Variants in CCDC85A observed in about 807,000 individuals in gnomAD.
CCDC85A encodes the protein coiled-coil domain-containing protein 85A.
CCDC85A carries 38 observed loss-of-function variants against 50.2 expected under a neutral mutation model. The observed-to-expected ratio is 0.76, with a 90% CI of 0.58 to 0.99. The LOEUF is 0.99. Ranked by LOEUF, CCDC85A falls within the 50% of genes least tolerant of loss-of-function variation. CCDC85A has a pLI of 0.00. For missense variants in CCDC85A, 820 were observed against 742.0 expected, an observed-to-expected ratio of 1.11 and a Z score of -1.22; for synonymous variants, 366 against 301.4, an observed-to-expected ratio of 1.21 and a Z score of -2.22.
chr2:56,209,995 C>A (rs1177413912), intron 2 of CCDC85A, among the ~76,000 whole-genome samples: 1 of 152,022 alleles, frequency 6.6e-6, no homozygotes, highest in Non-Finnish European at 1.5e-5. Context: ...AGAACTAGAG[C>A]ACATCCTGGA....
chr2:56,336,286 C>T (rs1674071132), intron 2 of CCDC85A, among the ~76,000 whole-genome samples: 3 of 152,092 alleles, frequency 2.0e-5, no homozygotes, highest in East Asian at 3.9e-4. Flanking sequence ...TCTCGAGTAG[C>T]GGGAGTACAG....
chr2:56,299,121 G>A (rs905208246), intron 2 of CCDC85A, among the ~76,000 whole-genome samples: 1 of 152,132 alleles, frequency 6.6e-6, no homozygotes, highest in South Asian at 2.1e-4. Flanking sequence ...TGATACCTCC[G>A]CTGTTTCTCC....
At chr2:56,344,501 G>T (rs989408703) in intron 3 of CCDC85A, among the ~76,000 whole-genome samples, 1 of 152,184 alleles carries the variant, frequency 6.6e-6, no homozygotes, top group Admixed American at 6.5e-5. Flanking sequence ...TTGACTACAA[G>T]TAACAGAAAC....
At chr2:56,347,169 A>C (rs188758832) in intron 3 of CCDC85A, among the ~76,000 whole-genome samples, 5 of 152,326 alleles carry the variant, frequency 3.3e-5, no homozygotes, top group Admixed American at 1.3e-4. Context: ...AGAATCATCA[A>C]TTTCCAGAGC....
intron 2 of CCDC85A, among the ~76,000 whole-genome samples, chr2:56,306,478 T>G (rs772440469): frequency 1.3e-5 from 2 of 152,136 alleles, no homozygotes; most frequent in Non-Finnish European, 2.9e-5. Flanking sequence ...AAATGCTTGA[T>G]AGAAATATTC....
chr2:56,320,346 C>T (rs946671892), intron 2 of CCDC85A, among the ~76,000 whole-genome samples: 1 of 151,982 alleles, frequency 6.6e-6, no homozygotes, highest in Non-Finnish European at 1.5e-5. Context: ...TCAATGAATC[C>T]AGGAGCTGGT....
intron 2 of CCDC85A, among the ~76,000 whole-genome samples, chr2:56,229,732 A>G (rs1034501695): frequency 2.6e-5 from 4 of 152,154 alleles, no homozygotes; most frequent in African/African-American, 9.7e-5. Context: ...ATATGTCTAG[A>G]TGTTTTTTTC....
At chr2:56,313,851 G>A (rs535008633) in intron 2 of CCDC85A, among the ~76,000 whole-genome samples, 9 of 152,050 alleles carry the variant, frequency 5.9e-5, no homozygotes, top group African/African-American at 1.7e-4. Flanking sequence ...ACTTTGGTTG[G>A]ACTCAGCAGA....
intron 2 of CCDC85A, among the ~76,000 whole-genome samples, chr2:56,340,909 A>C (rs1187895541): frequency 2.0e-5 from 3 of 148,924 alleles, no homozygotes; most frequent in South Asian, 2.1e-4. Context: ...GCTTTAGAGC[A>C]GGAATGAAAG....
At chr2:56,242,384 T>C (rs763851531) in intron 2 of CCDC85A, among the ~76,000 whole-genome samples, 20 of 152,072 alleles carry the variant, frequency 1.3e-4, no homozygotes, top group Non-Finnish European at 2.1e-4. Context: ...CTCAGAGGCC[T>C]CAGGAAGCTT....
chr2:56,184,250 C>G lies in CCDC85A; in HGVS notation c.-375C>G. On this transcript the variant is annotated 5_prime_UTR_variant, in exon 1 of 6. Coordinates refer to ENST00000407595, the MANE Select transcript of CCDC85A (RefSeq NM_001080433.2). ...GCAGGGCAGAGAGTGCGGGGGGCGA[C>G]AGTCTCGGCTTAGGGCGGAGGAGAG... The G allele has an allele frequency of 5.3e-6, 5 of 946,768 alleles. No individual in the cohort carries two copies. Among genetic ancestry groups the G allele is most frequent in the Non-Finnish European group, 6.4e-6 (5 of 784,474 alleles). 58.6% of individuals were successfully genotyped at this position (946,768 alleles called of 1,614,324 possible). A position where few individuals can be genotyped will look rare whatever the true frequency, so the allele number is the denominator to read the frequency against.
At position 56,201,139 on chromosome 2, in the gene CCDC85A, G is replaced by A. The variant is rs1041639096; in HGVS notation, c.1240+7699G>A. ...ACACACACACACGTACATACACACA[G>A]CATTTAGTGTTCTTGTATGTATATT... is the stretch of plus-strand genomic sequence containing the variant. On this transcript the variant is annotated intron_variant, in intron 2 of 5. Coordinates refer to ENST00000407595, the MANE Select transcript of CCDC85A (RefSeq NM_001080433.2). 8.1e-5 allele frequency among the ~76,000 whole-genome samples: 12 copies of A among 147,582 alleles called. No individual in the cohort carries two copies. The South Asian group carries it at 2.4e-3, about 29-fold the overall frequency.
intron 3 of CCDC85A, among the ~76,000 whole-genome samples, chr2:56,345,626 A>C (rs991655923): frequency 4.6e-5 from 7 of 152,208 alleles, no homozygotes; most frequent in African/African-American, 1.4e-4. Flanking sequence ...GAATACAGAC[A>C]GTAGGTAAGA....
At chr2:56,220,247 A>G (rs199806637) in intron 2 of CCDC85A, among the ~76,000 whole-genome samples, 1 of 93,430 alleles carries the variant, frequency 1.1e-5, no homozygotes, top group Non-Finnish European at 2.7e-5. Context: ...CTTTCTACTT[A>G]ATCTTAAACT....
intron 3 of CCDC85A, among the ~76,000 whole-genome samples, chr2:56,358,507 C>CT (rs564258373): frequency 6.6e-6 from 1 of 152,216 alleles, no homozygotes; most frequent in South Asian, 2.1e-4. Context: ...GGTTGGCAAA[C>CT]TTTTTTAGCA....
In CCDC85A at chr2:56,371,695, A is replaced by C. The variant is rs183709394; in HGVS notation, c.1318-649A>C. Among the ~76,000 whole-genome samples the C allele has an allele frequency of 1.9e-3, 285 of 152,120 alleles. 2 individuals are homozygous for C. Among genetic ancestry groups the C allele is most frequent in the Non-Finnish European group, 4.0e-4 (27 of 67,968 alleles). ...ATTAAGGACTTTTTTCTTTTCAATTATGTGATGCCTCTAGTTCTAATAAAT... is the reference window on the plus strand; with the variant it reads ...ATTAAGGACTTTTTTCTTTTCAATTCTGTGATGCCTCTAGTTCTAATAAAT... On this transcript the variant is annotated intron_variant, in intron 3 of 5. Coordinates refer to ENST00000407595, the MANE Select transcript of CCDC85A (RefSeq NM_001080433.2).
intron 2 of CCDC85A, among the ~76,000 whole-genome samples, chr2:56,264,427 C>T (rs1670349956): frequency 2.0e-5 from 3 of 152,156 alleles, no homozygotes; most frequent in South Asian, 2.1e-4. Flanking sequence ...CTAGGAGTCA[C>T]CTTTGACTCT....
intron 2 of CCDC85A, among the ~76,000 whole-genome samples, chr2:56,205,259 T>A (rs1030256689): frequency 3.3e-5 from 5 of 152,146 alleles, no homozygotes; most frequent in Non-Finnish European, 7.3e-5. Context: ...CACCAGGCTC[T>A]TCGTATGTTT....
chr2:56,298,896 G>A (rs1208249407), intron 2 of CCDC85A, among the ~76,000 whole-genome samples: 1 of 152,160 alleles, frequency 6.6e-6, no homozygotes, highest in African/African-American at 2.4e-5. Context: ...GGAGGAGGCT[G>A]AGACACATAG....
Sources: allele counts gnomAD v4.1 joint callset (sites outside exome capture counted in the v4.1 genomes callset), GRCh38; gene constraint gnomAD v4.1.1; transcripts MANE v1.5; gene names NCBI Gene and HGNC (gene_info 2026-07-23, HGNC 2026-07-21).